Variants in DNAJC3 observed in about 807,000 individuals in gnomAD.
The protein encoded by DNAJC3 is DnaJ heat shock protein family (Hsp40) member C3.
A neutral mutation model predicts 68.6 loss-of-function variants in DNAJC3; 38 were observed. The observed-to-expected ratio is 0.55, with a 90% confidence interval of 0.43 to 0.73. The LOEUF (loss-of-function observed/expected upper bound fraction) is 0.73, where lower values mean the gene tolerates loss of function less well. Ranked by LOEUF, DNAJC3 falls within the 30% of genes least tolerant of loss-of-function variation. DNAJC3 has a pLI of 0.00. For missense variants in DNAJC3, 526 were observed against 591.9 expected, an observed-to-expected ratio of 0.89 and a Z score of 1.16; for synonymous variants, 203 against 204.0, an observed-to-expected ratio of 1.00 and a Z score of 0.04.
chr13:95,761,368 G>T (rs1214301486), intron 7 of DNAJC3, among the ~76,000 whole-genome samples: 1 of 152,076 alleles, frequency 6.6e-6, no homozygotes, highest in Non-Finnish European at 1.5e-5. Flanking sequence ...TGTTTGTAGG[G>T]GGTTTATAGG....
At chr13:95,742,770 C>G in intron 4 of DNAJC3, 1 of 519,008 alleles carries the variant, frequency 1.9e-6, no homozygotes. Flanking sequence ...CTTCCTCAGT[C>G]TTTAAATTTG....
chr13:95,727,416 G>C (rs1466306174), intron 4 of DNAJC3, among the ~76,000 whole-genome samples: 1 of 152,086 alleles, frequency 6.6e-6, no homozygotes, highest in African/African-American at 2.4e-5. Flanking sequence ...TTTTTAGATT[G>C]CTCTTTGGCA....
At chr13:95,726,191 G>C (rs952093289) in intron 4 of DNAJC3, among the ~76,000 whole-genome samples, 4 of 152,114 alleles carry the variant, frequency 2.6e-5, no homozygotes, top group Admixed American at 2.0e-4. Context: ...TATATACCCA[G>C]TAATGGGATG....
intron 2 of DNAJC3, among the ~76,000 whole-genome samples, chr13:95,723,027 C>G (rs1271499369): frequency 6.6e-6 from 1 of 151,720 alleles, no homozygotes; most frequent in Non-Finnish European, 1.5e-5. Flanking sequence ...GTCTGTAGGT[C>G]GGATGTGGCT....
chr13:95,785,408 A>G (rs1045889744), intron 9 of DNAJC3, among the ~76,000 whole-genome samples: 1 of 151,760 alleles, frequency 6.6e-6, no homozygotes, highest in Non-Finnish European at 1.5e-5. Context: ...GAATGAGAAT[A>G]ATAAACTACC....
intron 11 of DNAJC3, 80 bp downstream of exon 11, chr13:95,787,235 C>T (rs948556509): frequency 1.0e-5 from 16 of 1,536,874 alleles, no homozygotes; most frequent in South Asian, 5.2e-5. Flanking sequence ...GGGTTCTCCA[C>T]GTGGGGCTGT....
chr13:95,692,341 TTGA>T (rs1405763984), intron 1 of DNAJC3, among the ~76,000 whole-genome samples: 3 of 152,190 alleles, frequency 2.0e-5, no homozygotes, highest in African/African-American at 7.2e-5. Flanking sequence ...ACTTTCTGCC[TTGA>T]TGATCTGTCT....
chr13:95,683,581 T>G (rs1440141553), intron 1 of DNAJC3, among the ~76,000 whole-genome samples: 1 of 152,186 alleles, frequency 6.6e-6, no homozygotes, highest in Non-Finnish European at 1.5e-5. Context: ...CAGCCATGCT[T>G]CATGTACAAC....
At chr13:95,689,032 A>G (rs1386827785) in intron 1 of DNAJC3, among the ~76,000 whole-genome samples, 3 of 150,250 alleles carry the variant, frequency 2.0e-5, no homozygotes, top group Non-Finnish European at 4.4e-5. Context: ...CATCAGGGAT[A>G]TTGGCCTGTG....
At chr13:95,751,829 G>A (rs1483806427) in intron 4 of DNAJC3, among the ~76,000 whole-genome samples, 2 of 152,200 alleles carry the variant, frequency 1.3e-5, no homozygotes, top group African/African-American at 4.8e-5. Flanking sequence ...CAATCATGGT[G>A]GAAGGTGAAG....
chr13:95,723,207 A>G, intron 2 of DNAJC3, 35 bp from the exon 3 acceptor site: 1 of 1,537,712 alleles, frequency 6.5e-7, no homozygotes, highest in Non-Finnish European at 8.8e-7. Flanking sequence ...ATTTTTGAAT[A>G]AATGACTAAG....
chr13:95,684,819 T>G (rs1880028101), intron 1 of DNAJC3, among the ~76,000 whole-genome samples: 1 of 152,248 alleles, frequency 6.6e-6, no homozygotes, highest in South Asian at 2.1e-4. Flanking sequence ...CTTCAGACGG[T>G]GCCAGCCCAA....
chr13:95,781,678 T>C (rs1045372985), intron 9 of DNAJC3, among the ~76,000 whole-genome samples: 1 of 152,178 alleles, frequency 6.6e-6, no homozygotes, highest in Non-Finnish European at 1.5e-5. Context: ...ATTTTTTAGA[T>C]TCAGAAGTTA....
chr13:95,715,976 G>T (rs543394807), intron 2 of DNAJC3, among the ~76,000 whole-genome samples: 132 of 151,316 alleles, frequency 8.7e-4, no homozygotes, highest in Non-Finnish European at 1.6e-3. Context: ...GGCCAACATG[G>T]TGAAACCTCC....
chr13:95,773,640 A>C (rs1349469390), intron 9 of DNAJC3, among the ~76,000 whole-genome samples: 1 of 150,612 alleles, frequency 6.6e-6, no homozygotes, highest in East Asian at 1.9e-4. Flanking sequence ...GGTCTGTAAG[A>C]TTATTCCTGC....
At chr13:95,769,650 A>G (rs1191273892) in intron 9 of DNAJC3, among the ~76,000 whole-genome samples, 1 of 152,190 alleles carries the variant, frequency 6.6e-6, no homozygotes, top group Non-Finnish European at 1.5e-5. Context: ...TCAGTGGGAT[A>G]TGGCATGTAG....
At chr13:95,765,149 TG>T (rs1468982396) in intron 9 of DNAJC3, among the ~76,000 whole-genome samples, 1 of 152,140 alleles carries the variant, frequency 6.6e-6, no homozygotes, top group East Asian at 1.9e-4. Context: ...TTGAAATGAA[TG>T]CAGTCAAAAT....
chr13:95,766,969 G>A (rs1005317727), intron 9 of DNAJC3, among the ~76,000 whole-genome samples: 8 of 152,070 alleles, frequency 5.3e-5, no homozygotes, highest in African/African-American at 1.9e-4. Flanking sequence ...CAAAGTGCTG[G>A]TATTACAGGC....
At chr13:95,682,469 C>A (rs1307564258) in intron 1 of DNAJC3, among the ~76,000 whole-genome samples, 1 of 152,032 alleles carries the variant, frequency 6.6e-6, no homozygotes, top group Non-Finnish European at 1.5e-5. Flanking sequence ...CCTTTAACCC[C>A]CCACCTTTAA....
Sources: gnomAD v4.1 joint callset for allele counts (sites outside exome capture counted in the v4.1 genomes callset) on GRCh38, gnomAD v4.1.1 for gene constraint, MANE v1.5 for transcripts, NCBI Gene and HGNC (gene_info 2026-07-23, HGNC 2026-07-21) for gene names.